ASTN1: variants seen among roughly 807,000 people sequenced by gnomAD.
ASTN1 encodes astrotactin-1.
ASTN1 carries 41 observed loss-of-function variants against 140.7 expected under a neutral mutation model. The observed-to-expected ratio is 0.29, with a 90% CI of 0.23 to 0.38. The LOEUF (loss-of-function observed/expected upper bound fraction) is 0.38. Among genes scored for constraint, ASTN1 ranks in the 10% least tolerant of loss-of-function variants. The pLI is 1.00. For missense variants in ASTN1, 1,479 were observed against 1,678.8 expected (o/e 0.88, Z 2.08); for synonymous variants, 640 against 652.2 (o/e 0.98, Z 0.29).
chr1:176,995,916 G>A (rs1026502250), intron 8 of ASTN1, among the ~76,000 whole-genome samples: 1 of 152,132 alleles, frequency 6.6e-6, no homozygotes, highest in Non-Finnish European at 1.5e-5. Context: ...GGCAAATGTT[G>A]CAGTGATGAA....
intron 1 of ASTN1, among the ~76,000 whole-genome samples, chr1:177,073,511 T>C (rs1359996604): frequency 6.6e-6 from 1 of 150,376 alleles, no homozygotes; most frequent in African/African-American, 2.5e-5. Context: ...ATCACATTCC[T>C]CTCTTAGTCT....
chr1:177,023,360 A>G (rs763732208), intron 7 of ASTN1, 44 bp downstream of exon 7: 1 of 1,534,868 alleles, frequency 6.5e-7, no homozygotes, highest in Non-Finnish European at 8.8e-7. Context: ...TGCAAGAGGC[A>G]TGATCTCTCT....
At chr1:176,880,995 C>T (rs1405663988) in intron 20 of ASTN1, among the ~76,000 whole-genome samples, 6 of 152,234 alleles carry the variant, frequency 3.9e-5, no homozygotes, top group Non-Finnish European at 7.3e-5. Flanking sequence ...GTTTCAGTGT[C>T]TTGCTTACAG....
chr1:176,979,152 T>C (rs1673494872), intron 8 of ASTN1, among the ~76,000 whole-genome samples: 1 of 152,176 alleles, frequency 6.6e-6, no homozygotes, highest in Admixed American at 6.5e-5. Context: ...AGCCCTGGGC[T>C]ATAGGGGGAT....
chr1:176,988,274 C>G (rs1182776887), intron 8 of ASTN1, among the ~76,000 whole-genome samples: 1 of 142,078 alleles, frequency 7.0e-6, no homozygotes, highest in Non-Finnish European at 1.5e-5. Flanking sequence ...AAGGACCCTG[C>G]CAAAACTCCA....
chr1:177,105,957 C>T (rs1680527412), intron 1 of ASTN1, among the ~76,000 whole-genome samples: 1 of 152,154 alleles, frequency 6.6e-6, no homozygotes, highest in Non-Finnish European at 1.5e-5. Flanking sequence ...TACTGCACCA[C>T]TGCATTTCAG....
chr1:177,134,335 C>T (rs530963359), intron 1 of ASTN1, among the ~76,000 whole-genome samples: 4 of 152,316 alleles, frequency 2.6e-5, no homozygotes, highest in South Asian at 2.1e-4. Flanking sequence ...CTCCATTGCA[C>T]GGGTCTAATC....
intron 14 of ASTN1, among the ~76,000 whole-genome samples, chr1:176,943,346 C>T (rs1671819686): frequency 6.6e-6 from 1 of 152,082 alleles, no homozygotes. Flanking sequence ...TACTGAGGGG[C>T]AGGCATTATT....
chr1:177,075,645 C>CTTTTTT (rs5778927), intron 1 of ASTN1, among the ~76,000 whole-genome samples: 134 of 99,532 alleles, frequency 1.3e-3, no homozygotes, highest in Non-Finnish European at 1.7e-3. Flanking sequence ...CTTTTCTTTT[C>CTTTTTT]TTTTTTTTTT....
At chr1:177,060,964 A>T (rs1028869011) in intron 2 of ASTN1, 114 bp downstream of exon 2, 4 of 1,096,138 alleles carry the variant, frequency 3.6e-6, no homozygotes, top group Non-Finnish European at 4.9e-6. Context: ...TATTAACATG[A>T]TCAATGATCA....
intron 8 of ASTN1, among the ~76,000 whole-genome samples, chr1:176,996,339 A>G (rs1571623073): frequency 6.6e-6 from 1 of 151,956 alleles, no homozygotes. Flanking sequence ...AGAGACAGAG[A>G]AAGAGAAAGA....
intron 16 of ASTN1, among the ~76,000 whole-genome samples, chr1:176,901,707 A>G (rs1489964905): frequency 6.6e-6 from 1 of 152,180 alleles, no homozygotes; most frequent in East Asian, 1.9e-4. Context: ...GTCTGCACAC[A>G]AGGAGCCCTT....
intron 1 of ASTN1, among the ~76,000 whole-genome samples, chr1:177,122,336 C>A (rs1681434773): frequency 6.6e-6 from 1 of 152,100 alleles, no homozygotes; most frequent in East Asian, 1.9e-4. Flanking sequence ...CAAAACAAAA[C>A]CCAGAGAGTA....
chr1:176,960,640 C>T (rs1270812906), intron 9 of ASTN1, among the ~76,000 whole-genome samples: 2 of 152,150 alleles, frequency 1.3e-5, no homozygotes. Flanking sequence ...GAATAAAGTC[C>T]CAGCCTCCAA....
At chr1:177,117,255 C>G (rs754982894) in intron 1 of ASTN1, among the ~76,000 whole-genome samples, 17 of 152,148 alleles carry the variant, frequency 1.1e-4, no homozygotes, top group Admixed American at 1.3e-4. Flanking sequence ...TCAGTCCTCC[C>G]ATTTATAGTT....
At chr1:177,087,674 G>A (rs1396423403) in intron 1 of ASTN1, among the ~76,000 whole-genome samples, 1 of 152,158 alleles carries the variant, frequency 6.6e-6, no homozygotes, top group East Asian at 1.9e-4. Context: ...CGTGTTTCAC[G>A]CAGACCAACT....
chr1:177,117,437 A>T (rs540776486), intron 1 of ASTN1, among the ~76,000 whole-genome samples: 1 of 152,302 alleles, frequency 6.6e-6, no homozygotes, highest in South Asian at 2.1e-4. Context: ...ACAGATATTT[A>T]CCGAGAATCT....
chr1:177,011,534 T>C (rs1217736716), intron 8 of ASTN1, among the ~76,000 whole-genome samples: 1 of 151,736 alleles, frequency 6.6e-6, no homozygotes. Context: ...AGAATTACTA[T>C]AAACAAACTG....
intron 8 of ASTN1, among the ~76,000 whole-genome samples, chr1:176,983,336 C>G (rs1673720300): frequency 1.3e-5 from 2 of 152,082 alleles, no homozygotes; most frequent in Non-Finnish European, 2.9e-5. Flanking sequence ...TGCCTCGCAG[C>G]CACAGCCTCC....
Sources: gnomAD v4.1 joint callset for allele counts (sites outside exome capture counted in the v4.1 genomes callset) on GRCh38, gnomAD v4.1.1 for gene constraint, MANE v1.5 for transcripts, NCBI Gene and HGNC (gene_info 2026-07-23, HGNC 2026-07-21) for gene names.